Variants in TBCEL observed in about 807,000 individuals in gnomAD.
The protein encoded by TBCEL is tubulin-specific chaperone cofactor E-like protein.
Under a neutral mutation model 44.2 loss-of-function variants are expected in TBCEL, and 15 were observed. The ratio of observed to expected loss-of-function variants is 0.34; its 90% CI spans 0.23 to 0.52. The LOEUF (loss-of-function observed/expected upper bound fraction) is 0.52. TBCEL is among the 20% of genes least tolerant of loss of function. TBCEL has a pLI of 0.95. For missense variants in TBCEL, 319 were observed against 506.3 expected (o/e 0.63, Z 3.55); for synonymous variants, 171 against 185.4 (o/e 0.92, Z 0.63).
intron 8 of TBCEL, among the ~76,000 whole-genome samples, chr11:121,068,630 T>A (rs765755770): frequency 6.6e-6 from 1 of 152,044 alleles, no homozygotes; most frequent in Non-Finnish European, 1.5e-5. Flanking sequence ...ATGCCTGTAA[T>A]CCCACCACTT....
In TBCEL at chr11:121,041,135, T is replaced by G. The variant is rs374588117; in HGVS notation, c.-18+4523T>G. Among the ~76,000 whole-genome samples the G allele has an allele frequency of 1.2e-4, 18 of 152,318 alleles. No homozygotes were observed. In the East Asian group the frequency reaches 2.7e-3, roughly 23 times the overall value. ...TGCATACTTATTATACAAAAGGATC[T>G]ATCTTATATGTTTCCCAGTGTTAGT... On this transcript the variant is annotated intron_variant, in intron 2 of 8. Coordinates refer to ENST00000683345, the MANE Select transcript of TBCEL (RefSeq NM_001363644.2).
intron 1 of TBCEL, among the ~76,000 whole-genome samples, chr11:121,035,011 A>C (rs1945205938): frequency 6.6e-6 from 1 of 152,218 alleles, no homozygotes; most frequent in African/African-American, 2.4e-5. Context: ...ATTAATTGGC[A>C]TTAATTTAGC....
At position 121,053,568 on chromosome 11, in the gene TBCEL, A is replaced by T. The variant is rs1252809722; in HGVS notation, c.291A>T (p.Ser97=). The T allele has an allele frequency of 1.9e-6, 3 of 1,612,062 alleles. No homozygotes were observed. The stretch of plus-strand genomic sequence containing the variant: ...CTCCTTAGGTCAGTAAAATTGTGTC[A>T]AATGTTCCTCAGTTGGAGTTTCTAA... ...EDWHEVSKIV[S]NVPQLEFLNL... is the part of the protein sequence containing the mutation. Residue 97 remains serine (S), a synonymous_variant, in exon 5 of 9, where the codon TCA becomes TCT. Transcript: ENST00000683345.
intron 8 of TBCEL, among the ~76,000 whole-genome samples, chr11:121,061,846 G>C (rs1303006295): frequency 1.3e-5 from 2 of 151,984 alleles, no homozygotes; most frequent in African/African-American, 4.8e-5. Flanking sequence ...TATCAACACT[G>C]TACACTTAGG....
chr11:121,031,666 T>TC (rs1565490471), intron 1 of TBCEL, among the ~76,000 whole-genome samples: 1 of 141,178 alleles, frequency 7.1e-6, no homozygotes, highest in Admixed American at 7.0e-5. Context: ...TTCTTTCTTT[T>TC]TTTTTTTTTT....
At chr11:121,041,111 G>C (rs1405368768) in intron 2 of TBCEL, among the ~76,000 whole-genome samples, 2 of 152,088 alleles carry the variant, frequency 1.3e-5, no homozygotes, top group Non-Finnish European at 2.9e-5. Flanking sequence ...GTATTGACTT[G>C]CATACTTATT....
At chr11:121,084,078 G>A (rs1185656984) in intron 8 of TBCEL, among the ~76,000 whole-genome samples, 2 of 152,150 alleles carry the variant, frequency 1.3e-5, no homozygotes, top group Non-Finnish European at 2.9e-5. Flanking sequence ...CTCTATAACA[G>A]CGTTAATCTA....
chr11:121,059,812 A>T (rs1945686613), intron 7 of TBCEL, among the ~76,000 whole-genome samples, 157 bp from the exon 8 acceptor site: 1 of 151,936 alleles, frequency 6.6e-6, no homozygotes, highest in Non-Finnish European at 1.5e-5. Flanking sequence ...TTCGGTTTAG[A>T]CCACTTTAGT....
chr11:121,045,125 T>C lies in TBCEL; in HGVS notation c.-17-549T>C, dbSNP rs1218785305. Among the ~76,000 whole-genome samples, 5 of 152,118 alleles carry C rather than the reference T, an allele frequency of 3.3e-5. 1 individual carries two copies. The highest frequency in any genetic ancestry group is 1.3e-4 in the Admixed American group (2 of 15,258). On this transcript the variant is annotated intron_variant, in intron 2 of 8. Coordinates refer to ENST00000683345, the MANE Select transcript of TBCEL (RefSeq NM_001363644.2). ...GGGCAAGTGGCACACTCTGGTCATCTTTTAACGATGATTCTTAGAAGCTGC... is the reference window on the plus strand; with the variant it reads ...GGGCAAGTGGCACACTCTGGTCATCCTTTAACGATGATTCTTAGAAGCTGC...
chr11:121,060,191 G>T, intron 8 of TBCEL, 106 bp downstream of exon 8: 2 of 739,972 alleles, frequency 2.7e-6, no homozygotes, highest in East Asian at 2.5e-5. Flanking sequence ...CCTTCTTAGA[G>T]AACTTTGTTA....
intron 1 of TBCEL, among the ~76,000 whole-genome samples, chr11:121,031,055 C>T (rs1229431879): frequency 2.6e-5 from 4 of 152,056 alleles, no homozygotes; most frequent in Non-Finnish European, 4.4e-5. Context: ...ACCCAATTGC[C>T]TGTTCTTAGA....
intron 1 of TBCEL, among the ~76,000 whole-genome samples, chr11:121,026,190 G>A (rs1053330373): frequency 3.3e-5 from 5 of 152,114 alleles, no homozygotes; most frequent in African/African-American, 9.7e-5. Context: ...ACAGTCTACG[G>A]CTTTGGTATA....
chr11:121,074,956 A>G (rs1946006072), intron 8 of TBCEL, among the ~76,000 whole-genome samples: 1 of 152,022 alleles, frequency 6.6e-6, no homozygotes, highest in African/African-American at 2.4e-5. Flanking sequence ...GCAGAACCAC[A>G]GTACAGTATC....
At chr11:121,048,145 TTTCACTAATTTATACATC>T (rs1945466490) in intron 4 of TBCEL, among the ~76,000 whole-genome samples, 1 of 151,902 alleles carries the variant, frequency 6.6e-6, no homozygotes, top group Admixed American at 6.6e-5. Flanking sequence ...TTTTCTACTG[TTTCACTAATTTATACATC>T]TTATGCTCAT....
At position 121,053,694 on chromosome 11, in the gene TBCEL, T is replaced by C. The variant is rs540495129; in HGVS notation, c.417T>C (p.Ser139=). Residue 139 remains serine, a synonymous_variant, in exon 5 of 9, where the codon TCT becomes TCC. Coordinates refer to ENST00000683345, the MANE Select transcript of TBCEL (RefSeq NM_001363644.2). ...RKLVLNNSKA[S]WETVHMILQE... is the part of the protein sequence containing the mutation. ...TTGTCCTCAACAACAGCAAAGCTTCTTGGGAGACGGTCCACATGATACTAC... is the reference window on the plus strand; with the variant it reads ...TTGTCCTCAACAACAGCAAAGCTTCCTGGGAGACGGTCCACATGATACTAC... 1.5e-4 allele frequency: 247 copies of C among 1,612,174 alleles called. 1 individual carries two copies. Among genetic ancestry groups the C allele is most frequent in the Admixed American group, 2.2e-4 (13 of 59,760 alleles).
At chr11:121,041,591 C>G (rs555871148) in intron 2 of TBCEL, among the ~76,000 whole-genome samples, 2 of 152,210 alleles carry the variant, frequency 1.3e-5, no homozygotes, top group East Asian at 3.9e-4. Context: ...TAATTTGACA[C>G]ACGTTATTTC....
In TBCEL at chr11:121,056,165, A is replaced by G. The variant is rs148524823; in HGVS notation, c.712+857A>G. On this transcript the variant is annotated intron_variant, in intron 6 of 8. Coordinates refer to ENST00000683345, the MANE Select transcript of TBCEL (RefSeq NM_001363644.2). Reference sequence around the variant, plus strand: ...TTTACCCCCTCCAATCCCGGCAACCACTCATCTTTTTACTATCTGCATAGT... The same window carrying G: ...TTTACCCCCTCCAATCCCGGCAACCGCTCATCTTTTTACTATCTGCATAGT... Among the ~76,000 whole-genome samples, 584 of 151,706 alleles carry G rather than the reference A, an allele frequency of 3.8e-3. 2 individuals carry two copies. Among genetic ancestry groups the G allele is most frequent in the African/African-American group, 0.013 (543 of 41,416 alleles).
intron 8 of TBCEL, among the ~76,000 whole-genome samples, chr11:121,063,149 T>C (rs1184227725): frequency 6.6e-6 from 1 of 152,126 alleles, no homozygotes; most frequent in Non-Finnish European, 1.5e-5. Context: ...GTTTAGGACA[T>C]GTATTCATAC....
intron 2 of TBCEL, 23 bp from the exon 3 acceptor site, chr11:121,045,651 G>T: frequency 6.5e-7 from 1 of 1,530,254 alleles, no homozygotes; most frequent in South Asian, 1.3e-5. Context: ...TACATAATTT[G>T]ATTATTTCTT....
Sources: gnomAD v4.1 joint callset for allele counts (sites outside exome capture counted in the v4.1 genomes callset) on GRCh38, gnomAD v4.1.1 for gene constraint, MANE v1.5 for transcripts, NCBI Gene and HGNC (gene_info 2026-07-23, HGNC 2026-07-21) for gene names.